The following RORA variants were observed in gnomAD, a reference collection of about 807,000 sequenced individuals.
RORA encodes nuclear receptor ROR-alpha.
A neutral mutation model predicts 69.5 loss-of-function variants in RORA; 7 were observed. The ratio of observed to expected loss-of-function variants is 0.10; its 90% confidence interval spans 0.06 to 0.19. The LOEUF is 0.19. RORA is among the 10% of genes least tolerant of loss of function. The pLI, the probability that RORA is intolerant of heterozygous loss-of-function variation, is 1.00. For synonymous variants in RORA, 261 were observed against 240.8 expected, an observed-to-expected ratio of 1.08 and a Z score of -0.78; for missense variants, 457 against 663.0, an observed-to-expected ratio of 0.69 and a Z score of 3.41.
At chr15:60,717,796 C>CTTTTT (rs10653856) in intron 1 of RORA, among the ~76,000 whole-genome samples, 66 of 91,986 alleles carry the variant, frequency 7.2e-4, no homozygotes, top group Admixed American at 2.0e-3. Flanking sequence ...TTCTTTTTCT[C>CTTTTT]TTTTTTTTTT....
intron 1 of RORA, among the ~76,000 whole-genome samples, chr15:61,081,996 A>G (rs2078549320): frequency 6.6e-6 from 1 of 152,176 alleles, no homozygotes; most frequent in African/African-American, 2.4e-5. Flanking sequence ...CGGCTTTACT[A>G]CTTACTAATC....
chr15:60,729,522 A>G (rs1001820934), intron 1 of RORA, among the ~76,000 whole-genome samples: 9 of 152,222 alleles, frequency 5.9e-5, no homozygotes, highest in African/African-American at 1.4e-4. Context: ...GAATTCACCA[A>G]TAGCAGACTC....
At chr15:61,179,480 T>C (rs1328832852) in intron 1 of RORA, among the ~76,000 whole-genome samples, 2 of 152,220 alleles carry the variant, frequency 1.3e-5, no homozygotes, top group Non-Finnish European at 1.5e-5. Flanking sequence ...TAGGATGCAA[T>C]GGGTTTATAA....
At chr15:61,187,468 A>G (rs1166597276) in intron 1 of RORA, among the ~76,000 whole-genome samples, 1 of 152,114 alleles carries the variant, frequency 6.6e-6, no homozygotes, top group Admixed American at 6.5e-5. Context: ...GGGGGAGGAT[A>G]GGGAGATCTG....
At chr15:60,568,998 C>T (rs550888968) in intron 2 of RORA, among the ~76,000 whole-genome samples, 24 of 149,814 alleles carry the variant, frequency 1.6e-4, no homozygotes, top group East Asian at 3.9e-4. Context: ...GTTTAAAATA[C>T]GCTGACAATA....
intron 1 of RORA, among the ~76,000 whole-genome samples, chr15:61,073,063 T>C (rs963191735): frequency 3.9e-5 from 6 of 152,200 alleles, no homozygotes; most frequent in Admixed American, 1.3e-4. Flanking sequence ...CCACCATCAA[T>C]TGCATCTTTT....
rs529179368 is a variant in RORA, at chr15:60,738,430, C to T, written c.167-59744G>A. Among the ~76,000 whole-genome samples the T allele has an allele frequency of 5.3e-5, 8 of 152,332 alleles. No individual in the cohort carries two copies. In the East Asian group the frequency reaches 9.6e-4, roughly 18 times the overall value. Reference sequence around the variant, plus strand: ...CTGGGCTGCTCTAGGATGTAGGGGCCACTCACCTGTTCCAAATCAATTCAG... The same window carrying T: ...CTGGGCTGCTCTAGGATGTAGGGGCTACTCACCTGTTCCAAATCAATTCAG... On this transcript the variant is annotated intron_variant, in intron 1 of 10. Coordinates refer to ENST00000335670, the MANE Select transcript of RORA (RefSeq NM_134261.3).
At chr15:61,068,831 T>C (rs2078300079) in intron 1 of RORA, among the ~76,000 whole-genome samples, 1 of 152,180 alleles carries the variant, frequency 6.6e-6, no homozygotes, top group South Asian at 2.1e-4. Flanking sequence ...TTAAAACCAT[T>C]TCTCCACTCA....
chr15:60,831,531 T>A (rs2073042394), intron 1 of RORA, among the ~76,000 whole-genome samples: 1 of 152,190 alleles, frequency 6.6e-6, no homozygotes, highest in Non-Finnish European at 1.5e-5. Context: ...GTCCTTACAT[T>A]TGCTATAGGT....
intron 1 of RORA, among the ~76,000 whole-genome samples, chr15:61,174,799 C>T (rs4774388): frequency 0.8 from 122,029 of 152,030 alleles, 49,415 homozygotes; most frequent in Non-Finnish European, 0.86. Context: ...ATTGCATACT[C>T]ACTATGTTCC....
At chr15:60,979,158 G>C (rs547526388) in intron 1 of RORA, among the ~76,000 whole-genome samples, 6 of 150,808 alleles carry the variant, frequency 4.0e-5, no homozygotes, top group African/African-American at 1.5e-4. Context: ...TAGAGACGGG[G>C]TTTCACCATG....
chr15:61,194,473 G>T (rs1299087102), intron 1 of RORA, among the ~76,000 whole-genome samples: 2 of 150,742 alleles, frequency 1.3e-5, no homozygotes, highest in Non-Finnish European at 2.9e-5. Context: ...TGAGGCAGGA[G>T]AATCGCTTGA....
At chr15:60,952,165 T>C (rs1302061637) in intron 1 of RORA, among the ~76,000 whole-genome samples, 1 of 151,022 alleles carries the variant, frequency 6.6e-6, no homozygotes, top group African/African-American at 2.4e-5. Flanking sequence ...TAATCCAGCA[T>C]ATAAACAGAG....
intron 1 of RORA, among the ~76,000 whole-genome samples, chr15:60,734,459 T>C (rs898614562): frequency 1.3e-5 from 2 of 152,238 alleles, no homozygotes; most frequent in African/African-American, 4.8e-5. Flanking sequence ...GATTATTTTA[T>C]ATATCAGTTT....
Position 60,517,182 on chromosome 15 carries a change from G to A in RORA, c.283-2425C>T, listed in dbSNP as rs534092832. ...GGGCAGCTTGAGAAGAAGTGCACCT[G>A]CCTTCCTTTGTAATGGCTGGGGGCC... On this transcript the variant is annotated intron_variant, in intron 3 of 10. Transcript: ENST00000335670. Among the ~76,000 whole-genome samples, 38 of 150,278 alleles carry A rather than the reference G, an allele frequency of 2.5e-4. No individual in the cohort carries two copies. In the South Asian group the frequency reaches 8.0e-3, roughly 31 times the overall value.
At chr15:60,928,108 A>C (rs901263572) in intron 1 of RORA, among the ~76,000 whole-genome samples, 2 of 152,158 alleles carry the variant, frequency 1.3e-5, no homozygotes, top group African/African-American at 4.8e-5. Flanking sequence ...ATCTCTCTGG[A>C]ACACTGAACT....
intron 2 of RORA, among the ~76,000 whole-genome samples, chr15:60,558,865 G>A (rs1176047784): frequency 6.6e-6 from 1 of 152,110 alleles, no homozygotes; most frequent in Admixed American, 6.5e-5. Flanking sequence ...AATCTCATTA[G>A]AATTCCCTGT....
chr15:61,174,854 G>A (rs2079614181), intron 1 of RORA, among the ~76,000 whole-genome samples: 1 of 152,144 alleles, frequency 6.6e-6, no homozygotes, highest in African/African-American at 2.4e-5. Context: ...CCCGCATAAT[G>A]GCTCTCTAAG....
intron 1 of RORA, among the ~76,000 whole-genome samples, chr15:61,169,854 A>G (rs2079570512): frequency 6.6e-6 from 1 of 152,082 alleles, no homozygotes; most frequent in South Asian, 2.1e-4. Flanking sequence ...AGGAAGTATG[A>G]TGTTCCTTGG....
Sources: allele counts gnomAD v4.1 joint callset (sites outside exome capture counted in the v4.1 genomes callset), GRCh38; gene constraint gnomAD v4.1.1; transcripts MANE v1.5; gene names NCBI Gene and HGNC (gene_info 2026-07-23, HGNC 2026-07-21).